FARS2: variants seen among roughly 807,000 people sequenced by gnomAD.
The protein encoded by FARS2 is phenylalanine--tRNA ligase, mitochondrial.
FARS2 carries 40 observed loss-of-function variants against 46.4 expected under a neutral mutation model. The ratio of observed to expected loss-of-function variants is 0.86; its 90% CI spans 0.67 to 1.12. The LOEUF is 1.12. FARS2 is among the 50% of genes most tolerant of loss of function. FARS2 has a pLI of 0.00. For synonymous variants in FARS2, 234 were observed against 214.9 expected (o/e 1.09, Z -0.78); for missense variants, 513 against 567.9 (o/e 0.90, Z 0.98).
At chr6:5,590,654 C>G (rs1413004634) in intron 5 of FARS2, among the ~76,000 whole-genome samples, 1 of 152,200 alleles carries the variant, frequency 6.6e-6, no homozygotes, top group Non-Finnish European at 1.5e-5. Context: ...TATGTGCAGT[C>G]CTCATCCCAG....
intron 6 of FARS2, among the ~76,000 whole-genome samples, chr6:5,666,661 G>A (rs1326622338): frequency 6.6e-6 from 1 of 152,208 alleles, no homozygotes; most frequent in African/African-American, 2.4e-5. Context: ...GGAAAACAGT[G>A]TGGCAGTTCC....
At chr6:5,315,741 C>CTTTCTTTCTTT (rs755531154) in intron 1 of FARS2, among the ~76,000 whole-genome samples, 8 of 59,992 alleles carry the variant, frequency 1.3e-4, no homozygotes, top group Admixed American at 4.1e-4. Flanking sequence ...TTTCTTTTTT[C>CTTTCTTTCTTT]CTTTCTTTCT....
At chr6:5,334,582 A>G (rs1234572694) in intron 1 of FARS2, among the ~76,000 whole-genome samples, 23 of 152,202 alleles carry the variant, frequency 1.5e-4, no homozygotes, top group Admixed American at 1.5e-3. Flanking sequence ...GTGGAAGGTC[A>G]TGAGTATTAA....
chr6:5,436,582 A>G (rs908688109), intron 4 of FARS2, among the ~76,000 whole-genome samples: 59 of 152,364 alleles, frequency 3.9e-4, no homozygotes, highest in African/African-American at 1.4e-3. Context: ...ATAGTCATGC[A>G]TATAAATGCA....
At chr6:5,377,243 C>T (rs1005697940) in intron 2 of FARS2, among the ~76,000 whole-genome samples, 3 of 152,224 alleles carry the variant, frequency 2.0e-5, no homozygotes, top group Non-Finnish European at 4.4e-5. Flanking sequence ...TTTTCCCACT[C>T]TCCCTGGTGG....
At chr6:5,518,170 C>T (rs940497215) in intron 4 of FARS2, among the ~76,000 whole-genome samples, 1 of 152,180 alleles carries the variant, frequency 6.6e-6, no homozygotes, top group Non-Finnish European at 1.5e-5. Flanking sequence ...GTTGTTGCTG[C>T]ATCCAGGGAG....
intron 1 of FARS2, among the ~76,000 whole-genome samples, chr6:5,322,524 G>T (rs541304339): frequency 2.0e-5 from 3 of 152,314 alleles, no homozygotes; most frequent in African/African-American, 7.2e-5. Flanking sequence ...AAATGCATTG[G>T]ATGCATTAAG....
chr6:5,441,955 A>G (rs979038038), intron 4 of FARS2, among the ~76,000 whole-genome samples: 1 of 152,114 alleles, frequency 6.6e-6, no homozygotes, highest in Non-Finnish European at 1.5e-5. Context: ...TAGTATCTCT[A>G]GCTGAGCTTG....
intron 1 of FARS2, among the ~76,000 whole-genome samples, chr6:5,326,096 C>G (rs956874231): frequency 6.6e-6 from 1 of 152,176 alleles, no homozygotes; most frequent in Admixed American, 6.5e-5. Context: ...CAATTTCTGA[C>G]GTAAGAATTT....
At chr6:5,285,133 A>G (rs927568003) in intron 1 of FARS2, among the ~76,000 whole-genome samples, 2 of 152,228 alleles carry the variant, frequency 1.3e-5, no homozygotes, top group African/African-American at 4.8e-5. Context: ...AGAGACTTGA[A>G]GCGAGAAAGA....
chr6:5,594,825 GCTGTGATGTTGGGAAAA>G (rs1301564678), intron 5 of FARS2, among the ~76,000 whole-genome samples: 2 of 152,336 alleles, frequency 1.3e-5, no homozygotes, highest in South Asian at 4.1e-4. Context: ...TGAGGCCGAT[GCTGTGATGTTGGGAAAA>G]CTGTGATGTG....
intron 4 of FARS2, among the ~76,000 whole-genome samples, chr6:5,453,589 T>C (rs1001838822): frequency 6.6e-6 from 1 of 152,254 alleles, no homozygotes; most frequent in African/African-American, 2.4e-5. Flanking sequence ...TTTGATTTGC[T>C]CTGTTTAACA....
intron 4 of FARS2, among the ~76,000 whole-genome samples, chr6:5,504,672 C>A (rs540455224): frequency 1.3e-5 from 2 of 152,172 alleles, no homozygotes; most frequent in Admixed American, 6.5e-5. Flanking sequence ...AATACCAGGA[C>A]AGAATTCAAA....
intron 6 of FARS2, among the ~76,000 whole-genome samples, chr6:5,762,932 G>A (rs1704590900): frequency 6.6e-6 from 1 of 152,222 alleles, no homozygotes; most frequent in African/African-American, 2.4e-5. Context: ...GGAGCGTCAG[G>A]CCCAGGACAG....
chr6:5,758,773 AAATGGAGTC>A (rs1401888490), intron 6 of FARS2, among the ~76,000 whole-genome samples: 5 of 152,182 alleles, frequency 3.3e-5, no homozygotes, highest in Non-Finnish European at 7.3e-5. Flanking sequence ...TATTGTTAAA[AAATGGAGTC>A]AATTTAAAGT....
chr6:5,497,140 A>T (rs1293949722), intron 4 of FARS2, among the ~76,000 whole-genome samples: 1 of 152,240 alleles, frequency 6.6e-6, no homozygotes, highest in East Asian at 1.9e-4. Context: ...ATGATTTTGA[A>T]AACTCCAAAT....
chr6:5,382,208 T>C (rs1471414785), intron 2 of FARS2, among the ~76,000 whole-genome samples: 1 of 152,242 alleles, frequency 6.6e-6, no homozygotes, highest in Non-Finnish European at 1.5e-5. Flanking sequence ...CCATAAAGAT[T>C]TTGAGTGAGA....
At chr6:5,539,380 T>TTGTGTGTGTA (rs138161918) in intron 4 of FARS2, among the ~76,000 whole-genome samples, 12 of 79,828 alleles carry the variant, frequency 1.5e-4, no homozygotes, top group African/African-American at 1.1e-3. Flanking sequence ...CTAATTTTTT[T>TTGTGTGTGTA]TGTGTATATA....
At chr6:5,350,768 A>G (rs1468264294) in intron 1 of FARS2, among the ~76,000 whole-genome samples, 1 of 152,196 alleles carries the variant, frequency 6.6e-6, no homozygotes, top group Non-Finnish European at 1.5e-5. Context: ...AGATGTTATC[A>G]TGGGGAGAAA....
Sources: allele counts gnomAD v4.1 joint callset (sites outside exome capture counted in the v4.1 genomes callset), GRCh38; gene constraint gnomAD v4.1.1; transcripts MANE v1.5; gene names NCBI Gene and HGNC (gene_info 2026-07-23, HGNC 2026-07-21).